Variants in SH2D6 observed in about 807,000 individuals in gnomAD.
SH2D6 encodes the protein SH2 domain-containing protein 6.
Under a neutral mutation model 30.2 loss-of-function variants are expected in SH2D6, and 31 were observed. The ratio of observed to expected loss-of-function variants is 1.03; its 90% CI spans 0.77 to 1.38. The LOEUF is 1.38. SH2D6 is among the 40% of genes most tolerant of loss of function. The pLI, the probability that SH2D6 is intolerant of heterozygous loss-of-function variation, is 0.00. For synonymous variants in SH2D6, 93 were observed against 104.6 expected (o/e 0.89, Z 0.68); for missense variants, 240 against 266.8 (o/e 0.90, Z 0.70).
At chr2:85,427,547 G>T (rs1005584881) in intron 6 of SH2D6, among the ~76,000 whole-genome samples, 7 of 152,212 alleles carry the variant, frequency 4.6e-5, no homozygotes, top group African/African-American at 1.7e-4. Context: ...GCAGGGAGGT[G>T]GCTGGAGTGA....
At chr2:85,426,435 C>T (rs1404948245) in intron 6 of SH2D6, among the ~76,000 whole-genome samples, 1 of 152,158 alleles carries the variant, frequency 6.6e-6, no homozygotes, top group Non-Finnish European at 1.5e-5. Context: ...TTTCACCCGC[C>T]TAAGGCCGTA....
rs72936701 is a variant in SH2D6, at chr2:85,436,524, T to A, written c.950T>A (p.Val317Glu). ...QHFMWHPLPL[V>E]DRHSGSRELT... ...TTCATGTGGCACCCTCTGCCCCTTGTGGACAGACACAGCGGCAGCCGGGAA... is the reference window on the plus strand; with the variant it reads ...TTCATGTGGCACCCTCTGCCCCTTGAGGACAGACACAGCGGCAGCCGGGAA... The change falls in exon 23 of 24, where the codon GTG becomes GAG. Residue 317 changes from valine to glutamate, a missense_variant. Val to Glu is a moderately radical substitution (Grantham distance 121). Coordinates refer to ENST00000469800, the MANE Select transcript of SH2D6 (RefSeq NM_001394463.1). The A allele has an allele frequency of 7.4e-4, 1,197 of 1,613,738 alleles. 3 individuals are homozygous for A. In the African/African-American group the frequency reaches 0.01, roughly 14 times the overall value.
chr2:85,425,128 G>T (rs1687937996), intron 5 of SH2D6, among the ~76,000 whole-genome samples, 180 bp from the exon 6 acceptor site: 1 of 151,990 alleles, frequency 6.6e-6, no homozygotes, highest in Non-Finnish European at 1.5e-5. Context: ...CGTAACACTA[G>T]TTCTATCTGG....
Position 85,433,575 on chromosome 2 carries a change from C to T in SH2D6, c.398C>T (p.Pro133Leu). 8.0e-6 allele frequency: 8 copies of T among 999,692 alleles called. No individual in the cohort carries two copies. The highest frequency in any genetic ancestry group is 9.5e-6 in the Non-Finnish European group (8 of 838,754). 61.9% of individuals were successfully genotyped at this position (999,692 alleles called of 1,614,324 possible). A position where few individuals can be genotyped will look rare whatever the true frequency, so the allele number is the denominator to read the frequency against. ...REQGASSRVV[P>L]GPPKKPDEDL... ...ACACACCCCTCCCTACCTTAGGTGC[C>T]AGGCCCTCCAAAGAAACCTGATGAG... Residue 133 changes from proline to leucine, a missense_variant, in exon 16 of 24, where the codon CCA becomes CTA. Transcript: ENST00000469800.
chr2:85,433,692 A>C (rs1689040530), intron 16 of SH2D6, 61 bp downstream of exon 16: 8 of 1,061,816 alleles, frequency 7.5e-6, no homozygotes, highest in Non-Finnish European at 9.3e-6. Flanking sequence ...CTCACAGCAC[A>C]ACACACTCTC....
At chr2:85,434,567 C>T (rs184322868) in intron 19 of SH2D6, 70 bp downstream of exon 19, 3 of 1,509,444 alleles carry the variant, frequency 2.0e-6, no homozygotes, top group East Asian at 4.9e-5. Context: ...ACAGATCAAA[C>T]TCCTTGTTCT....
At chr2:85,427,876 TTCTGG>T (rs1688193056) in intron 6 of SH2D6, among the ~76,000 whole-genome samples, 1 of 152,182 alleles carries the variant, frequency 6.6e-6, no homozygotes, top group African/African-American at 2.4e-5. Flanking sequence ...CCCAGGAATT[TTCTGG>T]TCTTCCTCTC....
At chr2:85,428,828 G>A (rs944455300) in intron 7 of SH2D6, 131 bp downstream of exon 7, 1 of 152,180 alleles carries the variant, frequency 6.6e-6, no homozygotes. Context: ...GCGGCATGAC[G>A]TTATTGTGAG....
At chr2:85,432,647 G>C (rs1438096831) in intron 14 of SH2D6, among the ~76,000 whole-genome samples, 1 of 152,134 alleles carries the variant, frequency 6.6e-6, no homozygotes, top group Admixed American at 6.6e-5. Flanking sequence ...TGATCCGCCT[G>C]CCTCGGCCTC....
At chr2:85,432,343 G>C (rs1163499923) in intron 14 of SH2D6, among the ~76,000 whole-genome samples, 1 of 151,724 alleles carries the variant, frequency 6.6e-6, no homozygotes, top group East Asian at 1.9e-4. Flanking sequence ...TGCCTCCCGG[G>C]TTCAAGCGAT....
intron 14 of SH2D6, among the ~76,000 whole-genome samples, chr2:85,432,461 G>A (rs1347758605): frequency 6.6e-6 from 1 of 151,154 alleles, no homozygotes; most frequent in South Asian, 2.1e-4. Flanking sequence ...GTGCAGTGGC[G>A]CAATCTCGGC....
At chr2:85,426,141 T>A in intron 6 of SH2D6, among the ~76,000 whole-genome samples, 1 of 152,128 alleles carries the variant, frequency 6.6e-6, no homozygotes, top group Non-Finnish European at 1.5e-5. Context: ...GACCACAGCC[T>A]GCTTACCTGT....
chr2:85,435,687 C>G lies in SH2D6; in HGVS notation c.754C>G (p.Pro252Ala), dbSNP rs1270917518. ...ACAGGATGGGGCCTATACCGTGCGC[C>G]CCAGCTCAGGGCCTCATGGCTCCCA... ...LQKDGAYTVR[P>A]SSGPHGSQPF... Residue 252 changes from proline to alanine, a missense_variant, in exon 22 of 24, where the codon CCC becomes GCC. Physicochemically the swap from Pro to Ala is conservative, Grantham distance 27. Transcript: ENST00000469800. The G allele has an allele frequency of 4.3e-6, 7 of 1,611,392 alleles. No individual in the cohort carries two copies. The South Asian group carries it at 7.7e-5, about 18-fold the overall frequency.
chr2:85,434,180 T>G (rs1375457309), intron 17 of SH2D6, 69 bp downstream of exon 17: 2 of 1,534,476 alleles, frequency 1.3e-6, no homozygotes, highest in Admixed American at 2.0e-5. Context: ...GCACCCCAGT[T>G]CAGGCTTCCC....
Position 85,430,699 on chromosome 2 carries a change from G to T in SH2D6, c.250+47G>T, listed in dbSNP as rs1446379527. 6.5e-6 allele frequency: 1 copy of T among 153,044 alleles called. No homozygotes were observed. Among genetic ancestry groups the T allele is most frequent in the Non-Finnish European group, 1.5e-5 (1 of 68,416 alleles). 9.5% of individuals were successfully genotyped at this position (153,044 alleles called of 1,614,324 possible). A position where few individuals can be genotyped will look rare whatever the true frequency, so the allele number is the denominator to read the frequency against. ...GCAGGGAGACCAGGTGCTTGGGCAGGGCAGGAGGGTCCCCACAAGACAAGA... is the reference window on the plus strand; with the variant it reads ...GCAGGGAGACCAGGTGCTTGGGCAGTGCAGGAGGGTCCCCACAAGACAAGA... On this transcript the variant is annotated intron_variant, in intron 12 of 23. Transcript: ENST00000469800. This position sits in a 1 kb window ranked among gnomAD's most constrained non-coding sequence, Gnocchi z 4.3.
At chr2:85,434,401 G>A (rs1277944080) in intron 18 of SH2D6, 31 bp downstream of exon 18, 4 of 1,550,482 alleles carry the variant, frequency 2.6e-6, no homozygotes, top group East Asian at 2.4e-5. Context: ...GGAGAAGAGA[G>A]GGAGGCAGGG....
Position 85,430,552 on chromosome 2 carries a change from C to G in SH2D6, c.150C>G (p.Asp50Glu), listed in dbSNP as rs976123662. 2 of 153,092 alleles carry G rather than the reference C, an allele frequency of 1.3e-5. No homozygotes were observed. The highest frequency in any genetic ancestry group is 2.9e-5 in the Non-Finnish European group (2 of 68,448). The allele number at this position is 153,092 out of a possible 1,614,324, so 9.5% of individuals were successfully genotyped here. Residue 50 changes from aspartate (D) to glutamate (E), a missense_variant, in exon 12 of 24, where the codon GAC (aspartate) becomes GAG (glutamate). By Grantham distance (45) the Asp-to-Glu change is conservative. Transcript: ENST00000469800. This position sits in a 1 kb window ranked among gnomAD's most constrained non-coding sequence, Gnocchi z 4.3. ...GTWRHKAQEE[D>E]EEENKYELPP... Reference sequence around the variant, plus strand: ...CCTTCCTCCAGGCCCAGGAGGAGGACGAGGAGGAAAATAAGTATGAGCTGC... The same window carrying G: ...CCTTCCTCCAGGCCCAGGAGGAGGAGGAGGAGGAAAATAAGTATGAGCTGC...
intron 6 of SH2D6, among the ~76,000 whole-genome samples, chr2:85,426,071 C>T: frequency 6.6e-6 from 1 of 152,270 alleles, no homozygotes; most frequent in Non-Finnish European, 1.5e-5. Context: ...GTGAGCCCAG[C>T]CACCCACATC....
chr2:85,425,470 A>ATG (rs1276041022), intron 6 of SH2D6, 63 bp downstream of exon 6: 2 of 151,844 alleles, frequency 1.3e-5, no homozygotes, highest in Non-Finnish European at 2.9e-5. Flanking sequence ...GGGTTTCACC[A>ATG]TGTTGGCCAG....
Sources: allele counts gnomAD v4.1 joint callset (sites outside exome capture counted in the v4.1 genomes callset), GRCh38; gene constraint gnomAD v4.1.1; non-coding constraint Gnocchi (gnomAD v3.1); transcripts MANE v1.5; gene names NCBI Gene and HGNC (gene_info 2026-07-23, HGNC 2026-07-21).